Variants in KANK1 observed in about 807,000 individuals in gnomAD.
KANK1 encodes the protein KN motif and ankyrin repeat domain-containing protein 1.
Under a neutral mutation model 106.2 loss-of-function variants are expected in KANK1, and 109 were observed. The ratio of observed to expected loss-of-function variants is 1.03; its 90% CI spans 0.88 to 1.20. The LOEUF (loss-of-function observed/expected upper bound fraction) is 1.20, where lower values mean the gene tolerates loss of function less well. Ranked by LOEUF, KANK1 falls within the 50% of genes most tolerant of loss-of-function variation. The probability of loss-of-function intolerance (pLI) is 0.00; values close to 1 mark genes in which losing one functional copy is unlikely to be tolerated. For synonymous variants in KANK1, 873 were observed against 652.2 expected, an observed-to-expected ratio of 1.34 and a Z score of -5.16; for missense variants, 2,399 against 1,710.7, an observed-to-expected ratio of 1.40 and a Z score of -7.10.
At position 650,085 on chromosome 9, in the gene KANK1, G is replaced by A. The variant is rs115939916; in HGVS notation, c.-83-26805G>A. Among the ~76,000 whole-genome samples, 1,426 of 152,276 alleles carry A rather than the reference G, an allele frequency of 9.4e-3. 20 individuals carry two copies. The highest frequency in any genetic ancestry group is 0.032 in the African/African-American group (1,340 of 41,546). ...CTGTCCCTACTGCCAGCATTAATAT[G>A]AAATTTGTATAAAGGTGGAGGGATT... On this transcript the variant is annotated intron_variant, in intron 1 of 11. Coordinates refer to ENST00000382297, the MANE Select transcript of KANK1 (RefSeq NM_015158.5).
chr9:539,978 T>G (rs2060506899), intron 1 of KANK1, among the ~76,000 whole-genome samples: 1 of 152,252 alleles, frequency 6.6e-6, no homozygotes, highest in Admixed American at 6.5e-5. Context: ...TTATATCATC[T>G]GCAAACAGAG....
intron 3 of KANK1, among the ~76,000 whole-genome samples, chr9:718,488 T>TTAC (rs1387450779): frequency 2.0e-5 from 3 of 150,762 alleles, no homozygotes. Context: ...AATTTTTGTA[T>TTAC]TTTTAGAGAC....
chr9:482,756 G>A (rs998514751), intron 3 of KANK1, among the ~76,000 whole-genome samples: 23 of 152,334 alleles, frequency 1.5e-4, no homozygotes, highest in Admixed American at 1.2e-3. Flanking sequence ...AACAATACAC[G>A]CATTTGATGT....
chr9:664,731 C>T (rs10815444), intron 1 of KANK1, among the ~76,000 whole-genome samples: 43,909 of 152,084 alleles, frequency 0.29, 6,924 homozygotes, highest in South Asian at 0.48. Flanking sequence ...TCTACTTTTA[C>T]ATTTTTGAGG....
chr9:734,230 A>G (rs972149446), intron 6 of KANK1: 1 of 152,436 alleles, frequency 6.6e-6, no homozygotes, highest in Non-Finnish European at 1.5e-5. Flanking sequence ...CAAGGCCTCA[A>G]TCTCTGGCTG....
At chr9:722,864 A>T (rs1417004090) in intron 3 of KANK1, among the ~76,000 whole-genome samples, 2 of 152,230 alleles carry the variant, frequency 1.3e-5, no homozygotes, top group African/African-American at 4.8e-5. Flanking sequence ...ATAAGAATGT[A>T]GCAGGGAGGA....
In KANK1 at chr9:676,646, A is replaced by G. The variant is rs16922383; in HGVS notation, c.-83-244A>G. On this transcript the variant is annotated intron_variant, in intron 1 of 11. Coordinates refer to ENST00000382297, the MANE Select transcript of KANK1 (RefSeq NM_015158.5). ...AAATAGTCTCATTTCTAGAGAACCA[A>G]TTTTGTTTCCCATAGATTATTATGT... 3.6e-3 allele frequency among the ~76,000 whole-genome samples: 545 copies of G among 152,226 alleles called. No individual in the cohort carries two copies. Among genetic ancestry groups the G allele is most frequent in the African/African-American group, 0.011 (476 of 41,524 alleles).
intron 1 of KANK1, among the ~76,000 whole-genome samples, chr9:565,338 G>C (rs1185801695): frequency 6.6e-6 from 1 of 152,178 alleles, no homozygotes; most frequent in Non-Finnish European, 1.5e-5. Context: ...TTTCATGTTT[G>C]CTCCCATTCT....
At chr9:546,486 T>C (rs2060934702) in intron 1 of KANK1, among the ~76,000 whole-genome samples, 1 of 152,076 alleles carries the variant, frequency 6.6e-6, no homozygotes, top group Non-Finnish European at 1.5e-5. Flanking sequence ...GAGAGGGTGA[T>C]AGCTGGAGGT....
At chr9:590,415 T>C (rs1824559548) in intron 1 of KANK1, among the ~76,000 whole-genome samples, 1 of 152,158 alleles carries the variant, frequency 6.6e-6, no homozygotes, top group Non-Finnish European at 1.5e-5. Flanking sequence ...CTCCTCTCCA[T>C]TTCCTCCTTT....
chr9:500,800 C>T (rs979461879), upstream of KANK1, among the ~76,000 whole-genome samples: 6 of 152,164 alleles, frequency 3.9e-5, no homozygotes, highest in South Asian at 2.1e-4. Flanking sequence ...CTCCCTCCTA[C>T]GGAGCTTCAG....
chr9:505,565 G>A (rs927033021), intron 1 of KANK1, among the ~76,000 whole-genome samples: 2 of 152,234 alleles, frequency 1.3e-5, no homozygotes, highest in South Asian at 2.1e-4. Context: ...TCCTTCACCC[G>A]GGTCCCGTGG....
chr9:612,749 G>C (rs1402655456), intron 1 of KANK1, among the ~76,000 whole-genome samples: 1 of 152,126 alleles, frequency 6.6e-6, no homozygotes, highest in Non-Finnish European at 1.5e-5. Context: ...ATGGAATGTG[G>C]AAAAGGTAGC....
intron 1 of KANK1, among the ~76,000 whole-genome samples, chr9:637,448 G>A (rs879147547): frequency 6.6e-6 from 1 of 152,096 alleles, no homozygotes; most frequent in African/African-American, 2.4e-5. Flanking sequence ...AGTGTTTCTT[G>A]CAGCAAAGTT....
At chr9:544,897 C>G (rs1178555247) in intron 1 of KANK1, among the ~76,000 whole-genome samples, 1 of 152,118 alleles carries the variant, frequency 6.6e-6, no homozygotes. Context: ...TGGGAAATCA[C>G]TGGCAAGTTT....
At chr9:600,387 A>G (rs2135829822) in intron 1 of KANK1, among the ~76,000 whole-genome samples, 1 of 152,016 alleles carries the variant, frequency 6.6e-6, no homozygotes, top group Non-Finnish European at 1.5e-5. Context: ...CTAAGGCTGA[A>G]TAATATTCCA....
chr9:490,525 A>C (rs758586068), intron 3 of KANK1, among the ~76,000 whole-genome samples: 10 of 152,148 alleles, frequency 6.6e-5, no homozygotes, highest in Non-Finnish European at 1.3e-4. Flanking sequence ...TAATAATAAT[A>C]ATAACAATAG....
At chr9:644,559 A>C (rs749851440) in intron 1 of KANK1, among the ~76,000 whole-genome samples, 19 of 150,630 alleles carry the variant, frequency 1.3e-4, no homozygotes, top group Non-Finnish European at 2.8e-4. Flanking sequence ...GAGAGGAGAG[A>C]GGTGCTACAC....
chr9:604,575 T>C (rs970235765), intron 1 of KANK1, among the ~76,000 whole-genome samples: 2 of 151,826 alleles, frequency 1.3e-5, no homozygotes, highest in Admixed American at 1.3e-4. Flanking sequence ...CTCACACCTG[T>C]AATCCCAGCA....
Sources: gnomAD v4.1 joint callset for allele counts (sites outside exome capture counted in the v4.1 genomes callset) on GRCh38, gnomAD v4.1.1 for gene constraint, MANE v1.5 for transcripts, NCBI Gene and HGNC (gene_info 2026-07-23, HGNC 2026-07-21) for gene names.